Variants in SMIM35 observed in about 807,000 individuals in gnomAD.
The protein encoded by SMIM35 is small integral membrane protein 35, also known as TMPRSS4 antisense RNA 1 (non-protein coding).
intron 1 of SMIM35, among the ~76,000 whole-genome samples, chr11:118,079,671 C>G (rs117845402): frequency 0.016 from 2,484 of 152,338 alleles, 101 homozygotes; most frequent in East Asian, 0.11. Context: ...CTGGAGGAAG[C>G]TGGTCCTCCC....
At chr11:118,074,970 C>T (rs775664235) in intron 1 of SMIM35, among the ~76,000 whole-genome samples, 3 of 152,178 alleles carry the variant, frequency 2.0e-5, no homozygotes, top group Non-Finnish European at 4.4e-5. Context: ...GCCAGGAGGG[C>T]TGAGTCATCA....
intron 1 of SMIM35, among the ~76,000 whole-genome samples, chr11:118,048,731 A>T (rs1357309015): frequency 6.6e-6 from 1 of 151,906 alleles, no homozygotes; most frequent in Non-Finnish European, 1.5e-5. Flanking sequence ...AAACAACAGA[A>T]AACAAAAAAC....
intron 1 of SMIM35, chr11:118,077,373 C>T (rs1944735770): frequency 6.7e-7 from 1 of 1,501,576 alleles, no homozygotes; most frequent in Non-Finnish European, 8.9e-7. Flanking sequence ...GCCCTTCAAG[C>T]AGCCTGAGCA....
intron 1 of SMIM35, among the ~76,000 whole-genome samples, chr11:118,049,609 A>G (rs1319487528): frequency 1.3e-5 from 2 of 152,026 alleles, no homozygotes; most frequent in Non-Finnish European, 2.9e-5. Context: ...TCGGCCTCCC[A>G]AAGTGCTGGG....
Position 118,045,995 on chromosome 11 carries a change from C to T in SMIM35, c.8-30186G>A, listed in dbSNP as rs74723347. On this transcript the variant is annotated intron_variant, in intron 1 of 4. Coordinates refer to ENST00000689828, the MANE Select transcript of SMIM35 (RefSeq NM_001394165.1). Reference sequence around the variant, plus strand: ...AGGTTAACGTGAAGATTAAGTGAGACGTGTATGTGAAAGGAGAGTTATATG... The same window carrying T: ...AGGTTAACGTGAAGATTAAGTGAGATGTGTATGTGAAAGGAGAGTTATATG... Among the ~76,000 whole-genome samples the T allele has an allele frequency of 2.9e-3, 449 of 152,278 alleles. 1 individual carries two copies. The highest frequency in any genetic ancestry group is 0.011 in the African/African-American group (437 of 41,544).
At chr11:118,049,988 A>C (rs1281361867) in intron 1 of SMIM35, among the ~76,000 whole-genome samples, 1 of 152,116 alleles carries the variant, frequency 6.6e-6, no homozygotes. Flanking sequence ...CCTAGAAGGT[A>C]CCAAGGGGCC....
At chr11:118,052,802 C>T (rs1944239539) in intron 1 of SMIM35, among the ~76,000 whole-genome samples, 1 of 152,138 alleles carries the variant, frequency 6.6e-6, no homozygotes, top group African/African-American at 2.4e-5. Context: ...CCGAGACCCA[C>T]AGCAAATACT....
intron 3 of SMIM35, among the ~76,000 whole-genome samples, chr11:118,014,424 GGA>G (rs1409163551): frequency 1.3e-5 from 2 of 151,586 alleles, no homozygotes; most frequent in East Asian, 1.9e-4. Flanking sequence ...ATGGATGGAT[GGA>G]TGGATGAATG....
chr11:118,065,068 C>T (rs79104767), intron 1 of SMIM35, among the ~76,000 whole-genome samples: 3,109 of 152,326 alleles, frequency 0.02, 50 homozygotes, highest in African/African-American at 0.05. Flanking sequence ...GGCCAGAATG[C>T]ATATTCCTGT....
intron 1 of SMIM35, among the ~76,000 whole-genome samples, chr11:118,054,262 T>G (rs1252800153): frequency 1.3e-5 from 2 of 152,116 alleles, no homozygotes; most frequent in Non-Finnish European, 2.9e-5. Flanking sequence ...ATGTCAACTT[T>G]GTGTGGACGC....
At position 118,014,694 on chromosome 11, in the gene SMIM35, C is replaced by G. The variant is rs889359381; in HGVS notation, c.158+14G>C. 2 of 398,798 alleles carry G rather than the reference C, an allele frequency of 5.0e-6. No individual in the cohort carries two copies. The highest frequency in any genetic ancestry group is 8.8e-5 in the Admixed American group (2 of 22,706). 24.7% of individuals were successfully genotyped at this position (398,798 alleles called of 1,614,324 possible). On this transcript the variant is annotated intron_variant, in intron 3 of 4. Transcript: ENST00000689828. ...AACCCCCACCTCACCCAGATATTCCCTGAATTTACTCACCGGATTTGATAT... is the reference window on the plus strand; with the variant it reads ...AACCCCCACCTCACCCAGATATTCCGTGAATTTACTCACCGGATTTGATAT...
chr11:118,036,736 G>A (rs1401309787), intron 1 of SMIM35, among the ~76,000 whole-genome samples: 1 of 152,232 alleles, frequency 6.6e-6, no homozygotes. Context: ...GGTTCTCTGC[G>A]ATGGTGGTGT....
intron 1 of SMIM35, among the ~76,000 whole-genome samples, chr11:118,048,507 C>G (rs1242345538): frequency 1.4e-5 from 2 of 145,712 alleles, no homozygotes; most frequent in African/African-American, 5.1e-5. Flanking sequence ...AGCGAGACTC[C>G]ATCTCAATAA....
intron 1 of SMIM35, chr11:118,059,259 T>A (rs1308039695): frequency 6.6e-6 from 1 of 152,098 alleles, no homozygotes; most frequent in African/African-American, 2.4e-5. Flanking sequence ...TGCTCCGATG[T>A]GAGAAGTCTC....
At chr11:118,029,697 G>C (rs1468520158) in intron 1 of SMIM35, 2 of 457,166 alleles carry the variant, frequency 4.4e-6, no homozygotes, top group Admixed American at 4.7e-5. Context: ...CAAATTCATG[G>C]AACCAGTCTC....
At chr11:118,059,222 T>G (rs563677927) in intron 1 of SMIM35, 4 of 152,470 alleles carry the variant, frequency 2.6e-5, no homozygotes, top group Admixed American at 2.0e-4. Context: ...GGACTTCCTA[T>G]TCACAGTAAA....
intron 1 of SMIM35, among the ~76,000 whole-genome samples, chr11:118,085,260 G>C (rs1436624408): frequency 7.0e-6 from 1 of 142,554 alleles, no homozygotes; most frequent in African/African-American, 2.6e-5. Context: ...GTCTAACACT[G>C]TTGCCCTGGC....
In SMIM35 at chr11:118,075,503, C is replaced by A. The variant is rs1944654549; in HGVS notation, c.7+11248G>T. Among the ~76,000 whole-genome samples, 7 of 152,360 alleles carry A rather than the reference C, an allele frequency of 4.6e-5. No individual in the cohort carries two copies. In the South Asian group the frequency reaches 1.4e-3, roughly 32 times the overall value. Reference sequence around the variant, plus strand: ...GGCTTTCAAACACTTGTGTTCCATTCAGCCTGTTCACAAGCCTGGCAGTGT... The same window carrying A: ...GGCTTTCAAACACTTGTGTTCCATTAAGCCTGTTCACAAGCCTGGCAGTGT... On this transcript the variant is annotated intron_variant, in intron 1 of 4. Transcript: ENST00000689828.
chr11:118,086,691 A>T (rs1264001550), intron 1 of SMIM35, 60 bp downstream of exon 1: 1 of 153,188 alleles, frequency 6.5e-6, no homozygotes, highest in East Asian at 1.9e-4. Flanking sequence ...TCATCTCAGG[A>T]AACTCACTCC....
Sources: allele counts gnomAD v4.1 joint callset (sites outside exome capture counted in the v4.1 genomes callset), GRCh38; gene constraint gnomAD v4.1.1; transcripts MANE v1.5; gene names NCBI Gene and HGNC (gene_info 2026-07-23, HGNC 2026-07-21).